The following ATP8A1 variants were observed in gnomAD, a reference collection of about 807,000 sequenced individuals.
The protein encoded by ATP8A1 is phospholipid-transporting ATPase IA.
ATP8A1 carries 90 observed loss-of-function variants against 177.7 expected under a neutral mutation model. The observed-to-expected ratio is 0.51, with a 90% CI of 0.43 to 0.60. The LOEUF is 0.60. Among genes scored for constraint, ATP8A1 ranks in the 20% least tolerant of loss-of-function variants. The pLI, the probability that ATP8A1 is intolerant of heterozygous loss-of-function variation, is 0.00. For synonymous variants in ATP8A1, 493 were observed against 485.9 expected (o/e 1.01, Z -0.19); for missense variants, 1,072 against 1,392.8 (o/e 0.77, Z 3.67).
At chr4:42,467,731 G>A (rs780250453) in intron 25 of ATP8A1, among the ~76,000 whole-genome samples, 5 of 152,210 alleles carry the variant, frequency 3.3e-5, no homozygotes, top group Non-Finnish European at 7.4e-5. Flanking sequence ...GAATAAGATT[G>A]AAGACATAAT....
chr4:42,522,280 A>C lies in ATP8A1; in HGVS notation c.1827T>G (p.Phe609Leu), dbSNP rs749953910. 2.5e-6 allele frequency: 4 copies of C among 1,613,678 alleles called. No individual in the cohort carries two copies. The highest frequency in any genetic ancestry group is 3.4e-6 in the Non-Finnish European group (4 of 1,179,840). Reference protein sequence around the residue: ...FATEGLRTLCFAVAEISESDF... With the variant: ...FATEGLRTLCLAVAEISESDF... ...CGCTCTCTGAAATCTCAGCCACAGCAAAACATAAAGTTCTTAACCCTGAAA... is the reference window on the plus strand; with the variant it reads ...CGCTCTCTGAAATCTCAGCCACAGCCAAACATAAAGTTCTTAACCCTGAAA... The change falls in exon 22 of 37, where the codon TTT becomes TTG. Residue 609 changes from phenylalanine to leucine, a missense_variant. This residue lies in a region of ATP8A1 where 388 missense variants were observed against 471.7 expected (regional missense o/e 0.82). Transcript: ENST00000381668.
chr4:42,553,848 G>A lies in ATP8A1; in HGVS notation c.1414-1238C>T, dbSNP rs76970769. Among the ~76,000 whole-genome samples the A allele has an allele frequency of 7.4e-3, 1,130 of 152,258 alleles. 17 individuals are homozygous for A. The highest frequency in any genetic ancestry group is 0.024 in the African/African-American group (1,015 of 41,544). ...GCAAATATCATGTAATGTGACTTGAGCGAGTCTGTGGTTATTCTCAAGATA... is the reference window on the plus strand; with the variant it reads ...GCAAATATCATGTAATGTGACTTGAACGAGTCTGTGGTTATTCTCAAGATA... On this transcript the variant is annotated intron_variant, in intron 16 of 36. Coordinates refer to ENST00000381668, the MANE Select transcript of ATP8A1 (RefSeq NM_006095.2).
rs369885898 is a variant in ATP8A1 at position 42,532,866 on chromosome 4, C to T, written c.1723-8019G>A. ...TGTTCCTGCCCCACCCTAACTGATA[C>T]GATATATTCTCCCTCACCCTTAAGA... is the stretch of plus-strand genomic sequence containing the variant. On this transcript the variant is annotated intron_variant, in intron 20 of 36. Coordinates refer to ENST00000381668, the MANE Select transcript of ATP8A1 (RefSeq NM_006095.2). Among the ~76,000 whole-genome samples, 3 of 152,190 alleles carry T rather than the reference C, an allele frequency of 2.0e-5. No individual in the cohort carries two copies. The East Asian group carries it at 5.8e-4, about 29-fold the overall frequency.
chr4:42,505,982 C>G (rs1724323313), intron 23 of ATP8A1, among the ~76,000 whole-genome samples: 1 of 152,134 alleles, frequency 6.6e-6, no homozygotes, highest in African/African-American at 2.4e-5. Context: ...TGCCAAACAA[C>G]TTTCCCTGTG....
At chr4:42,482,147 C>CA (rs1184395309) in intron 25 of ATP8A1, among the ~76,000 whole-genome samples, 49 of 151,140 alleles carry the variant, frequency 3.2e-4, no homozygotes, top group Non-Finnish European at 4.4e-5. Context: ...ACTAAAAATA[C>CA]AAAAAATTAG....
intron 20 of ATP8A1, among the ~76,000 whole-genome samples, chr4:42,542,951 G>A (rs1728559115): frequency 6.6e-6 from 1 of 151,864 alleles, no homozygotes; most frequent in Non-Finnish European, 1.5e-5. Context: ...CAAGTCTTAG[G>A]TCTTATCTTC....
At chr4:42,476,915 C>A (rs929662465) in intron 25 of ATP8A1, among the ~76,000 whole-genome samples, 1 of 152,146 alleles carries the variant, frequency 6.6e-6, no homozygotes, top group Non-Finnish European at 1.5e-5. Context: ...CCTTCTTCAG[C>A]GTACTACTTT....
chr4:42,457,162 A>G lies in ATP8A1; in HGVS notation c.2620-1563T>C, dbSNP rs142537845. Among the ~76,000 whole-genome samples, 535 of 152,328 alleles carry G rather than the reference A, an allele frequency of 3.5e-3. 1 individual carries two copies. Among genetic ancestry groups the G allele is most frequent in the Non-Finnish European group, 4.2e-3 (288 of 68,008 alleles). On this transcript the variant is annotated intron_variant, in intron 27 of 36. Transcript: ENST00000381668. ...TACACATATTTATGGAAAATTTTTGATAATTTGCCCTAAACAAACAGCCAG... is the reference window on the plus strand; with the variant it reads ...TACACATATTTATGGAAAATTTTTGGTAATTTGCCCTAAACAAACAGCCAG...
Position 42,455,324 on chromosome 4 carries a change from AG to A in ATP8A1, c.2789del (p.Ser930PhefsTer17). 1 of 1,613,804 alleles carries A rather than the reference AG, an allele frequency of 6.2e-7. No homozygotes were observed. The highest frequency in any genetic ancestry group is 8.5e-7 in the Non-Finnish European group (1 of 1,179,774). On this transcript the variant is annotated frameshift_variant, in exon 29 of 37. Coordinates refer to ENST00000381668, the MANE Select transcript of ATP8A1 (RefSeq NM_006095.2). LOFTEE classifies it high-confidence loss of function. ...TGGTGTTGAAGTCCAGGGCATTCTG[AG>A]ATGTTTTGTATAATTCAGGGTACTT... ...MLKYPELYKT[S>X]QNALDFNTKV...
At chr4:42,555,220 A>C (rs1235391451) in intron 16 of ATP8A1, among the ~76,000 whole-genome samples, 12 of 62,390 alleles carry the variant, frequency 1.9e-4, no homozygotes, top group Non-Finnish European at 4.2e-4. Context: ...GCCCCCCCCT[A>C]GAGAACCCTA....
intron 20 of ATP8A1, among the ~76,000 whole-genome samples, chr4:42,526,669 G>T (rs779273989): frequency 6.6e-6 from 1 of 152,114 alleles, no homozygotes; most frequent in Non-Finnish European, 1.5e-5. Flanking sequence ...GCCTATTGTG[G>T]GACCTTGTGA....
At chr4:42,494,040 A>G (rs530795287) in intron 24 of ATP8A1, among the ~76,000 whole-genome samples, 2 of 151,742 alleles carry the variant, frequency 1.3e-5, no homozygotes, top group African/African-American at 4.8e-5. Context: ...CTTCTCTACT[A>G]AAACAAAAAA....
intron 12 of ATP8A1, among the ~76,000 whole-genome samples, chr4:42,577,332 C>T (rs1318015515): frequency 6.6e-6 from 1 of 152,142 alleles, no homozygotes; most frequent in Non-Finnish European, 1.5e-5. Flanking sequence ...GTGAGCTACA[C>T]CTGCAGCTCA....
intron 30 of ATP8A1, among the ~76,000 whole-genome samples, chr4:42,447,707 A>G (rs1010017317): frequency 1.3e-5 from 2 of 152,214 alleles, no homozygotes; most frequent in Admixed American, 1.3e-4. Context: ...AAAGTATGGG[A>G]TGAAACACAG....
At chr4:42,621,215 C>T (rs1413812200) in intron 4 of ATP8A1, among the ~76,000 whole-genome samples, 1 of 152,232 alleles carries the variant, frequency 6.6e-6, no homozygotes, top group East Asian at 1.9e-4. Context: ...GAAGACTATG[C>T]TGTTTTATAC....
chr4:42,532,251 G>A (rs528540650), intron 20 of ATP8A1, among the ~76,000 whole-genome samples: 42 of 152,202 alleles, frequency 2.8e-4, no homozygotes, highest in Middle Eastern at 6.8e-3. Context: ...CTGGGAGGCC[G>A]AGGTGGGCTG....
intron 21 of ATP8A1, among the ~76,000 whole-genome samples, chr4:42,522,517 T>A (rs1393559415): frequency 6.6e-6 from 1 of 152,188 alleles, no homozygotes; most frequent in African/African-American, 2.4e-5. Flanking sequence ...TTCCCAACCC[T>A]TTTAATCCAT....
intron 24 of ATP8A1, among the ~76,000 whole-genome samples, chr4:42,499,932 A>G (rs539293540): frequency 2.0e-5 from 3 of 152,366 alleles, no homozygotes; most frequent in African/African-American, 7.2e-5. Context: ...AAAGAGATGC[A>G]AAAGTATCAC....
At chr4:42,457,537 C>T (rs543167918) in intron 27 of ATP8A1, among the ~76,000 whole-genome samples, 5 of 152,280 alleles carry the variant, frequency 3.3e-5, no homozygotes, top group South Asian at 2.1e-4. Context: ...TGAAGAAAGC[C>T]GAAGCGCTCT....
Sources: gnomAD v4.1 joint callset for allele counts (sites outside exome capture counted in the v4.1 genomes callset) on GRCh38, gnomAD v4.1.1 for gene constraint, gnomAD v4.1.1 regional missense constraint, MANE v1.5 for transcripts, NCBI Gene and HGNC (gene_info 2026-07-23, HGNC 2026-07-21) for gene names.